Variants in TENM2 observed in about 807,000 individuals in gnomAD.
TENM2 encodes teneurin transmembrane protein 2.
In TENM2, 52 loss-of-function variants were observed where a neutral mutation model predicts 245.2. The ratio of observed to expected loss-of-function variants is 0.21; its 90% CI spans 0.17 to 0.27. The LOEUF is 0.27. Ranked by LOEUF, TENM2 falls within the 10% of genes least tolerant of loss-of-function variation. TENM2 has a pLI of 1.00. For synonymous variants in TENM2, 1,363 were observed against 1,438.9 expected (o/e 0.95, Z 1.19); for missense variants, 3,046 against 3,666.8 (o/e 0.83, Z 4.37).
the TENM2 span, among the ~76,000 whole-genome samples, chr5:167,265,869 G>A: frequency 2.0e-4 from 30 of 151,658 alleles, no homozygotes; most frequent in East Asian, 7.8e-4. Context: ...TATTATGATC[G>A]ACCTAGCTTG....
At chr5:167,887,004 C>T (rs1249274754) in intron 3 of TENM2, among the ~76,000 whole-genome samples, 1 of 152,144 alleles carries the variant, frequency 6.6e-6, no homozygotes, top group Non-Finnish European at 1.5e-5. Flanking sequence ...TTTTTCCCAA[C>T]ACAGCTTAGG....
chr5:167,102,827 T>C, the TENM2 span, among the ~76,000 whole-genome samples: 1 of 152,144 alleles, frequency 6.6e-6, no homozygotes, highest in East Asian at 1.9e-4. Flanking sequence ...CCCAGTTAAA[T>C]TTTGTATTTT....
At chr5:167,363,524 G>A (rs181470362) in intron 1 of TENM2, among the ~76,000 whole-genome samples, 207 of 152,110 alleles carry the variant, frequency 1.4e-3, no homozygotes, top group African/African-American at 4.5e-3. Context: ...AAGGTCAGGA[G>A]GTCAAGACCA....
chr5:167,673,241 CTGTGTAT>C (rs1756080733), intron 2 of TENM2, among the ~76,000 whole-genome samples: 1 of 151,938 alleles, frequency 6.6e-6, no homozygotes, highest in Non-Finnish European at 1.5e-5. Flanking sequence ...AAAATGTCTG[CTGTGTAT>C]TGTTCAGTAT....
At chr5:167,352,404 A>G (rs894723469) in intron 1 of TENM2, among the ~76,000 whole-genome samples, 1 of 152,252 alleles carries the variant, frequency 6.6e-6, no homozygotes, top group Non-Finnish European at 1.5e-5. Flanking sequence ...TCAGGTAAGC[A>G]GATAATTATT....
At chr5:167,573,267 C>T (rs1774401489) in intron 2 of TENM2, among the ~76,000 whole-genome samples, 1 of 152,074 alleles carries the variant, frequency 6.6e-6, no homozygotes, top group African/African-American at 2.4e-5. Context: ...CACATAAATG[C>T]ATCCTAAAAA....
At chr5:168,210,286 C>T (rs902536272) in intron 19 of TENM2, among the ~76,000 whole-genome samples, 4 of 152,136 alleles carry the variant, frequency 2.6e-5, no homozygotes, top group East Asian at 1.9e-4. Flanking sequence ...TCCTTCACCC[C>T]GCCCTTCTCC....
chr5:167,826,893 T>C (rs1348093482), intron 2 of TENM2, among the ~76,000 whole-genome samples: 1 of 152,260 alleles, frequency 6.6e-6, no homozygotes, highest in East Asian at 1.9e-4. Context: ...CTACAGTCAA[T>C]GGCAGCATTT....
chr5:167,251,032 G>T, the TENM2 span, among the ~76,000 whole-genome samples: 1 of 152,064 alleles, frequency 6.6e-6, no homozygotes, highest in Non-Finnish European at 1.5e-5. Flanking sequence ...AGTAGAGAGG[G>T]AGCATTCTCT....
chr5:167,070,416 A>T, the TENM2 span, among the ~76,000 whole-genome samples: 1 of 151,654 alleles, frequency 6.6e-6, no homozygotes, highest in African/African-American at 2.4e-5. Flanking sequence ...GGCATGAGCC[A>T]CTGCGCCCAG....
the TENM2 span, among the ~76,000 whole-genome samples, chr5:167,224,633 C>G: frequency 6.6e-6 from 1 of 151,770 alleles, no homozygotes; most frequent in Non-Finnish European, 1.5e-5. Flanking sequence ...ATGTCTCTAG[C>G]CTTGTTCTTT....
At chr5:167,371,334 G>GTTTTTTTTTTTTTTTTTTTTTTT (rs768614312) in intron 1 of TENM2, among the ~76,000 whole-genome samples, 1 of 128,970 alleles carries the variant, frequency 7.8e-6, no homozygotes, top group African/African-American at 2.9e-5. Flanking sequence ...ATGGCTCCCT[G>GTTTTTTTTTTTTTTTTTTTTTTT]TTTTTTTTTT....
intron 4 of TENM2, among the ~76,000 whole-genome samples, chr5:167,986,800 G>A (rs1375974456): frequency 6.6e-6 from 1 of 152,180 alleles, no homozygotes; most frequent in Non-Finnish European, 1.5e-5. Flanking sequence ...CTGAAGGGGA[G>A]AAGCTGTCTT....
intron 2 of TENM2, among the ~76,000 whole-genome samples, chr5:167,818,371 G>A (rs781740321): frequency 9.2e-5 from 14 of 152,248 alleles, no homozygotes; most frequent in East Asian, 1.9e-4. Context: ...TGTGAACCTC[G>A]TCAGTGTAAG....
At position 167,714,715 on chromosome 5, in the gene TENM2, C is replaced by T. The variant is rs145976299; in HGVS notation, c.503-161271C>T. ...TTTATTAGCCAGACTTAAGAAATGT[C>T]GACCAGCACCAATCCTATGAGGTTC... is the stretch of plus-strand genomic sequence containing the variant. On this transcript the variant is annotated intron_variant, in intron 2 of 28. Transcript: ENST00000518659. 2.2e-3 allele frequency among the ~76,000 whole-genome samples: 332 copies of T among 152,282 alleles called. 1 individual carries two copies. Among genetic ancestry groups the T allele is most frequent in the Non-Finnish European group, 3.7e-3 (250 of 68,024 alleles).
chr5:167,181,453 G>A, the TENM2 span, among the ~76,000 whole-genome samples: 11 of 126,948 alleles, frequency 8.7e-5, no homozygotes, highest in Non-Finnish European at 1.7e-4. Flanking sequence ...TTTTTTCCTA[G>A]GGAGCCGCTC....
intron 9 of TENM2, among the ~76,000 whole-genome samples, chr5:168,113,466 C>T (rs1201064662): frequency 6.6e-6 from 1 of 152,164 alleles, no homozygotes; most frequent in African/African-American, 2.4e-5. Flanking sequence ...TTTCCCTCTG[C>T]TTTTATGACT....
At chr5:168,169,274 G>A (rs1030142584) in intron 13 of TENM2, among the ~76,000 whole-genome samples, 1 of 152,224 alleles carries the variant, frequency 6.6e-6, no homozygotes, top group East Asian at 1.9e-4. Flanking sequence ...GTCACTAGCA[G>A]TTACTGCAGT....
the TENM2 span, among the ~76,000 whole-genome samples, chr5:167,250,427 G>C: frequency 6.6e-6 from 1 of 152,130 alleles, no homozygotes; most frequent in African/African-American, 2.4e-5. Context: ...ATTGTATTTT[G>C]AATCTATTGG....
Sources: allele counts gnomAD v4.1 joint callset (sites outside exome capture counted in the v4.1 genomes callset), GRCh38; gene constraint gnomAD v4.1.1; transcripts MANE v1.5; gene names NCBI Gene and HGNC (gene_info 2026-07-23, HGNC 2026-07-21).